Variants in SUGCT observed in about 807,000 individuals in gnomAD.
SUGCT encodes the protein succinyl-CoA:glutarate-CoA transferase, also known as succinyl-CoA:glutarate CoA-transferase.
SUGCT carries 41 observed loss-of-function variants against 55.0 expected under a neutral mutation model. The observed-to-expected ratio is 0.74, with a 90% CI of 0.58 to 0.97. The LOEUF is 0.97. Among genes scored for constraint, SUGCT ranks in the 50% least tolerant of loss-of-function variants. The pLI, the probability that SUGCT is intolerant of heterozygous loss-of-function variation, is 0.00. For synonymous variants in SUGCT, 187 were observed against 200.4 expected (o/e 0.93, Z 0.56); for missense variants, 568 against 547.8 (o/e 1.04, Z -0.37).
the SUGCT span, among the ~76,000 whole-genome samples, chr7:40,900,057 G>T: frequency 6.6e-6 from 1 of 152,128 alleles, no homozygotes; most frequent in African/African-American, 2.4e-5. Context: ...TTCATCCTCG[G>T]GGGCTGCTGC....
At chr7:40,177,433 G>A (rs1454963913) in intron 1 of SUGCT, among the ~76,000 whole-genome samples, 1 of 151,910 alleles carries the variant, frequency 6.6e-6, no homozygotes, top group Non-Finnish European at 1.5e-5. Flanking sequence ...CTTGGGGGAG[G>A]GTGGGGAGGG....
the SUGCT span, among the ~76,000 whole-genome samples, chr7:40,865,952 C>G: frequency 6.6e-6 from 1 of 152,180 alleles, no homozygotes; most frequent in Non-Finnish European, 1.5e-5. Context: ...TCCTCCCTTT[C>G]TCTTTCTTTG....
At chr7:40,407,017 C>T (rs1786407309) in intron 9 of SUGCT, among the ~76,000 whole-genome samples, 1 of 151,746 alleles carries the variant, frequency 6.6e-6, no homozygotes, top group Admixed American at 6.6e-5. Context: ...TAAAGTCTAC[C>T]TTACAAAAAT....
intron 13 of SUGCT, among the ~76,000 whole-genome samples, chr7:40,771,312 A>G (rs1339556192): frequency 1.3e-5 from 2 of 152,178 alleles, no homozygotes; most frequent in Non-Finnish European, 1.5e-5. Context: ...CACAATCTGT[A>G]TCGATGTAAC....
chr7:40,259,419 A>C lies in SUGCT; in HGVS notation c.577-15094A>C, dbSNP rs1340780962. On this transcript the variant is annotated intron_variant, in intron 7 of 13. Coordinates refer to ENST00000335693, the MANE Select transcript of SUGCT (RefSeq NM_001193313.2). Reference sequence around the variant, plus strand: ...GGGCCAACTGTGGCTACGCGACTGTATTGTGTTCCTGAAAATCTCTAAGAC... The same window carrying C: ...GGGCCAACTGTGGCTACGCGACTGTCTTGTGTTCCTGAAAATCTCTAAGAC... Among the ~76,000 whole-genome samples, 2 of 152,172 alleles carry C rather than the reference A, an allele frequency of 1.3e-5. 1 individual carries two copies. Among genetic ancestry groups the C allele is most frequent in the Non-Finnish European group, 2.9e-5 (2 of 68,032 alleles).
At chr7:40,256,324 G>A (rs1396091609) in intron 7 of SUGCT, among the ~76,000 whole-genome samples, 1 of 152,126 alleles carries the variant, frequency 6.6e-6, no homozygotes, top group Non-Finnish European at 1.5e-5. Context: ...GATTGGTTTA[G>A]CCAATCTTAG....
chr7:40,986,036 T>C, the SUGCT span, among the ~76,000 whole-genome samples: 1 of 152,240 alleles, frequency 6.6e-6, no homozygotes, highest in Non-Finnish European at 1.5e-5. Flanking sequence ...AGGCCAGTAC[T>C]ATATACTTTG....
At chr7:40,304,759 A>AATC (rs34107643) in intron 8 of SUGCT, among the ~76,000 whole-genome samples, 2 of 101,710 alleles carry the variant, frequency 2.0e-5, no homozygotes, top group African/African-American at 1.1e-4. Flanking sequence ...TAATAATAAT[A>AATC]ATCATCCAGG....
intron 9 of SUGCT, among the ~76,000 whole-genome samples, chr7:40,409,079 T>A (rs1417019788): frequency 2.0e-5 from 3 of 149,256 alleles, no homozygotes; most frequent in Non-Finnish European, 4.5e-5. Flanking sequence ...CCCAGCCTCC[T>A]GAGTAGCTGG....
intron 12 of SUGCT, among the ~76,000 whole-genome samples, chr7:40,549,618 ATGAT>A (rs1409054373): frequency 6.6e-6 from 1 of 152,208 alleles, no homozygotes; most frequent in Non-Finnish European, 1.5e-5. Context: ...AACAGTTATT[ATGAT>A]TGATTGGCCC....
chr7:40,247,282 G>A (rs1485630268), intron 7 of SUGCT, among the ~76,000 whole-genome samples: 1 of 152,056 alleles, frequency 6.6e-6, no homozygotes. Context: ...GTGAGACAGA[G>A]TCTTGCTCTG....
chr7:40,804,571 GA>G (rs34213451), intron 13 of SUGCT, among the ~76,000 whole-genome samples: 62,641 of 144,692 alleles, frequency 0.43, 13,581 homozygotes, highest in South Asian at 0.6. Context: ...ACCCTTCTCA[GA>G]AAAAAAAAAA....
intron 12 of SUGCT, among the ~76,000 whole-genome samples, chr7:40,618,910 A>G: frequency 6.6e-6 from 1 of 152,214 alleles, no homozygotes; most frequent in Non-Finnish European, 1.5e-5. Context: ...GGAAACAATT[A>G]TAAGTCTGAA....
chr7:40,777,345 G>A (rs1409146483), intron 13 of SUGCT, among the ~76,000 whole-genome samples: 1 of 152,068 alleles, frequency 6.6e-6, no homozygotes, highest in Non-Finnish European at 1.5e-5. Flanking sequence ...TGGGCATCGG[G>A]ATCAACTAGT....
intron 8 of SUGCT, among the ~76,000 whole-genome samples, chr7:40,278,218 A>G (rs1328799517): frequency 2.0e-5 from 3 of 152,206 alleles, no homozygotes; most frequent in Non-Finnish European, 4.4e-5. Flanking sequence ...AATCAAAACC[A>G]CAGTGAGATA....
At chr7:40,408,445 G>T (rs1408977656) in intron 9 of SUGCT, among the ~76,000 whole-genome samples, 1 of 151,814 alleles carries the variant, frequency 6.6e-6, no homozygotes, top group African/African-American at 2.4e-5. Flanking sequence ...TGACCTCGTG[G>T]AACTCCTCAT....
chr7:40,701,325 C>G (rs141600336), intron 12 of SUGCT, among the ~76,000 whole-genome samples: 1 of 152,220 alleles, frequency 6.6e-6, no homozygotes, highest in South Asian at 2.1e-4. Context: ...ATCTCAGCCA[C>G]GGCAGCCACT....
intron 9 of SUGCT, among the ~76,000 whole-genome samples, chr7:40,416,587 T>G (rs1297283819): frequency 6.6e-6 from 1 of 151,992 alleles, no homozygotes; most frequent in Non-Finnish European, 1.5e-5. Context: ...TTATGTTTAT[T>G]GGTCATCTTT....
At chr7:40,576,411 T>A (rs1380228391) in intron 12 of SUGCT, among the ~76,000 whole-genome samples, 1 of 152,170 alleles carries the variant, frequency 6.6e-6, no homozygotes, top group Non-Finnish European at 1.5e-5. Flanking sequence ...GTTTCTTCCA[T>A]ATGGTTTGCT....
Sources: allele counts gnomAD v4.1 joint callset (sites outside exome capture counted in the v4.1 genomes callset), GRCh38; gene constraint gnomAD v4.1.1; transcripts MANE v1.5; gene names NCBI Gene and HGNC (gene_info 2026-07-23, HGNC 2026-07-21).